The following NHSL2 variants were observed in gnomAD, a reference collection of about 807,000 sequenced individuals.
The protein encoded by NHSL2 is NHS like 2.
A neutral mutation model predicts 53.4 loss-of-function variants in NHSL2; 27 were observed. The observed-to-expected ratio is 0.51, with a 90% CI of 0.37 to 0.70. The LOEUF (loss-of-function observed/expected upper bound fraction) is 0.70, where lower values mean the gene tolerates loss of function less well. Among genes scored for constraint, NHSL2 ranks in the 30% least tolerant of loss-of-function variants. The probability of loss-of-function intolerance (pLI) is 0.00; values close to 1 mark genes in which losing one functional copy is unlikely to be tolerated. For missense variants in NHSL2, 892 were observed against 980.1 expected (o/e 0.91, Z 1.20); for synonymous variants, 408 against 404.1 (o/e 1.01, Z -0.12).
intron 1 of NHSL2, among the ~76,000 whole-genome samples, chrX:72,043,663 C>A (rs2042288715): frequency 1.8e-5 from 2 of 111,672 alleles, no homozygotes; most frequent in Non-Finnish European, 3.8e-5. Context: ...CATCAAAATA[C>A]CCTGAGACCT....
Position 72,144,445 on chromosome X carries a change from T to C in NHSL2, c.*871T>C. 1 of 839,947 alleles carries C rather than the reference T, an allele frequency of 1.2e-6. No individual in the cohort carries two copies. The highest frequency in any genetic ancestry group is 1.6e-6 in the Non-Finnish European group (1 of 608,776). 69.2% of individuals were successfully genotyped at this position (839,947 alleles called of 1,213,427 possible). On this transcript the variant is annotated 3_prime_UTR_variant, in exon 8 of 8. Coordinates refer to ENST00000633930, the MANE Select transcript of NHSL2 (RefSeq NM_001013627.3). ...GATCTGCGCCCAGCTCATGCTGCAT[T>C]CTAAGAACTCTCATTTCATTTGCAT...
At chrX:72,095,192 C>A (rs1246043747) in intron 1 of NHSL2, among the ~76,000 whole-genome samples, 1 of 112,319 alleles carries the variant, frequency 8.9e-6, no homozygotes, top group Non-Finnish European at 1.9e-5. Context: ...CTCTTTCGGG[C>A]AGACTGAGAA....
intron 1 of NHSL2, among the ~76,000 whole-genome samples, chrX:71,950,077 G>A (rs2041813201): frequency 8.8e-6 from 1 of 113,274 alleles, no homozygotes; most frequent in African/African-American, 3.2e-5. Flanking sequence ...CCAAGTGGTG[G>A]GTCTGGATTA....
chrX:72,129,664 TG>T, intron 1 of NHSL2: 1 of 504,431 alleles, frequency 2.0e-6, no homozygotes, highest in Non-Finnish European at 3.2e-6. Context: ...CGTCGCTCTC[TG>T]GTCACGGTTG....
chrX:72,121,344 T>C (rs2042179684), intron 1 of NHSL2, among the ~76,000 whole-genome samples: 1 of 111,888 alleles, frequency 8.9e-6, no homozygotes, highest in East Asian at 2.8e-4. Context: ...TCTGAAGATG[T>C]CTTAGAGCCA....
At chrX:72,142,052 T>C (rs1468576596) in intron 6 of NHSL2, among the ~76,000 whole-genome samples, 180 bp from the exon 7 acceptor site, 1 of 112,218 alleles carries the variant, frequency 8.9e-6, no homozygotes, top group East Asian at 2.8e-4. Flanking sequence ...TCACTCCACC[T>C]TGGGCAAATC....
chrX:72,034,353 G>A (rs1198029061), intron 1 of NHSL2, among the ~76,000 whole-genome samples: 1 of 111,596 alleles, frequency 9.0e-6, no homozygotes. Context: ...AAACATTTTT[G>A]TGCCTATATT....
chrX:71,974,172 AAC>A (rs1427649944), intron 1 of NHSL2, among the ~76,000 whole-genome samples: 1 of 112,347 alleles, frequency 8.9e-6, no homozygotes, highest in East Asian at 2.8e-4. Context: ...ATCTACTTCC[AAC>A]ACAGCCATTC....
chrX:71,982,870 A>C (rs2041985887), intron 1 of NHSL2, among the ~76,000 whole-genome samples: 1 of 112,230 alleles, frequency 8.9e-6, no homozygotes, highest in African/African-American at 3.2e-5. Flanking sequence ...GCTTTAGCAA[A>C]TTAATAGAAG....
intron 1 of NHSL2, among the ~76,000 whole-genome samples, chrX:72,074,988 T>C (rs959763536): frequency 8.9e-6 from 1 of 112,411 alleles, no homozygotes; most frequent in African/African-American, 3.2e-5. Context: ...ATACAACAAT[T>C]ACACTGGGAA....
At chrX:72,053,212 C>T (rs1005754853) in intron 1 of NHSL2, among the ~76,000 whole-genome samples, 3 of 111,854 alleles carry the variant, frequency 2.7e-5, no homozygotes, top group African/African-American at 9.8e-5. Context: ...TCAGCTGCTT[C>T]ACCCCGCGCA....
At chrX:71,926,490 CATTG>C (rs2041686045) in intron 1 of NHSL2, among the ~76,000 whole-genome samples, 1 of 110,514 alleles carries the variant, frequency 9.0e-6, no homozygotes, top group Non-Finnish European at 1.9e-5. Context: ...TTGAACAAAA[CATTG>C]ATGTGTGTGT....
At chrX:72,019,931 G>A (rs1033657359) in intron 1 of NHSL2, among the ~76,000 whole-genome samples, 1 of 111,962 alleles carries the variant, frequency 8.9e-6, no homozygotes, top group African/African-American at 3.3e-5. Flanking sequence ...CAGCCCATCT[G>A]CAGAATAAAG....
At chrX:72,093,763 T>TTTCTTTCTTTCTTTC (rs2041920576) in intron 1 of NHSL2, among the ~76,000 whole-genome samples, 1 of 108,807 alleles carries the variant, frequency 9.2e-6, no homozygotes, top group African/African-American at 3.4e-5. Flanking sequence ...TCTTTCTTTC[T>TTTCTTTCTTTCTTTC]TTCTTTCTTT....
intron 1 of NHSL2, among the ~76,000 whole-genome samples, chrX:71,935,669 C>T (rs1291933748): frequency 1.8e-5 from 2 of 112,334 alleles, no homozygotes; most frequent in Non-Finnish European, 3.8e-5. Flanking sequence ...TAATGGGTTC[C>T]ATTCAGATGC....
At chrX:72,093,713 GCTTGCTTGCTTT>G (rs1404530782) in intron 1 of NHSL2, among the ~76,000 whole-genome samples, 623 of 50,877 alleles carry the variant, frequency 0.012, 8 homozygotes, top group African/African-American at 0.035. Context: ...CCCTAGTATA[GCTTGCTTGCTTT>G]CTTTCTTTCT....
At chrX:72,069,460 A>G (rs1007363901) in intron 1 of NHSL2, among the ~76,000 whole-genome samples, 3 of 111,383 alleles carry the variant, frequency 2.7e-5, no homozygotes, top group African/African-American at 9.8e-5. Context: ...AGAAGCTCCT[A>G]GCAGGCTCTA....
At chrX:72,085,088 AC>A (rs756434647) in intron 1 of NHSL2, among the ~76,000 whole-genome samples, 1 of 111,542 alleles carries the variant, frequency 9.0e-6, no homozygotes, top group African/African-American at 3.3e-5. Flanking sequence ...CCTTCTAACA[AC>A]CCTCTAAGGC....
chrX:72,093,981 C>T (rs1369203327), intron 1 of NHSL2, among the ~76,000 whole-genome samples: 1 of 110,432 alleles, frequency 9.1e-6, no homozygotes, highest in African/African-American at 3.3e-5. Context: ...GGGGTTTCAC[C>T]ATGTTGGCCA....
Sources: allele counts gnomAD v4.1 joint callset (sites outside exome capture counted in the v4.1 genomes callset), GRCh38; gene constraint gnomAD v4.1.1; transcripts MANE v1.5; gene names NCBI Gene and HGNC (gene_info 2026-07-23, HGNC 2026-07-21).